The following ATRIP variants were observed in gnomAD, a reference collection of about 807,000 sequenced individuals.
ATRIP encodes ATR-interacting protein.
In ATRIP, 44 loss-of-function variants were observed where a neutral mutation model predicts 78.1. That is an observed-to-expected ratio of 0.56 (90% CI 0.44 to 0.72). The LOEUF is 0.72. ATRIP is among the 30% of genes least tolerant of loss of function. ATRIP has a pLI of 0.00. For synonymous variants in ATRIP, 388 were observed against 408.9 expected (o/e 0.95, Z 0.62); for missense variants, 927 against 980.2 (o/e 0.95, Z 0.72).
At chr3:48,459,330 G>A in intron 5 of ATRIP, 29 bp from the exon 6 acceptor site, 1 of 1,592,874 alleles carries the variant, frequency 6.3e-7, no homozygotes, top group Non-Finnish European at 8.6e-7. Flanking sequence ...CTGGGCTCAA[G>A]TTTTGATTTA....
intron 8 of ATRIP, among the ~76,000 whole-genome samples, chr3:48,462,337 C>T (rs1439359041): frequency 6.6e-6 from 1 of 152,010 alleles, no homozygotes; most frequent in African/African-American, 2.4e-5. Context: ...TCCACAGGGA[C>T]ATTCAAAACA....
intron 6 of ATRIP, 112 bp from the exon 7 acceptor site, chr3:48,459,675 G>A (rs532764327): frequency 3.5e-6 from 5 of 1,437,024 alleles, no homozygotes; most frequent in Non-Finnish European, 4.7e-6. Context: ...CTGGGGCTTA[G>A]TGGCAGCCTA....
Position 48,464,956 on chromosome 3 carries a change from G to A in ATRIP, c.2181G>A (p.Leu727=). 3 of 1,614,172 alleles carry A rather than the reference G, an allele frequency of 1.9e-6. No homozygotes were observed. Among genetic ancestry groups the A allele is most frequent in the Non-Finnish European group, 1.7e-6 (2 of 1,180,010 alleles). Reference sequence around the variant, plus strand: ...GTCTGCGGGACACGGTGCTGCTGCTGCACGGCCTATCGCAGAAGGACAAGC... The same window carrying A: ...GTCTGCGGGACACGGTGCTGCTGCTACACGGCCTATCGCAGAAGGACAAGC... The part of the protein sequence containing the change: ...VRCLRDTVLL[L]HGLSQKDKLF... The change falls in exon 12 of 13, where the codon CTG becomes CTA. Residue 727 remains leucine (L), a synonymous_variant. Coordinates refer to ENST00000320211, the MANE Select transcript of ATRIP (RefSeq NM_130384.3).
chr3:48,460,324 C>T lies in ATRIP; in HGVS notation c.1270C>T (p.Gln424Ter). 6.2e-7 allele frequency: 1 copy of T among 1,613,732 alleles called. No individual in the cohort carries two copies. Among genetic ancestry groups the T allele is most frequent in the Non-Finnish European group, 8.5e-7 (1 of 1,179,802 alleles). ...AGCCGTGCATTTCCTCCCCCTTGTA[C>T]AGTTCTTCATCGGCTTACACTGCCA... ...PGAVHFLPLV[Q>*]FFIGLHCQAL... is the part of the protein sequence containing the mutation. The change falls in exon 8 of 13, where the codon CAG (glutamine) becomes TAG (stop). Residue 424 changes from glutamine to a stop codon, truncating the protein, a stop_gained. Coordinates refer to ENST00000320211, the MANE Select transcript of ATRIP (RefSeq NM_130384.3). LOFTEE classifies it high-confidence loss of function.
At position 48,465,103 on chromosome 3, in the gene ATRIP, T is replaced by C; in HGVS notation, c.2308+20T>C. ...GTGAAGGTAAGCCTGCCAGAGGCCA[T>C]CCTGCCCAGCCCCCATGGCTTCTTC... On this transcript the variant is annotated intron_variant, in intron 12 of 12. Transcript: ENST00000320211. 6.3e-7 allele frequency: 1 copy of C among 1,596,098 alleles called. No homozygotes were observed. The highest frequency in any genetic ancestry group is 8.6e-7 in the Non-Finnish European group (1 of 1,167,286).
Position 48,451,889 on chromosome 3 carries a change from TCTC to T in ATRIP, c.544_546del (p.Ser182del). 1 of 1,603,536 alleles carries T rather than the reference TCTC, an allele frequency of 6.2e-7. No homozygotes were observed. The highest frequency in any genetic ancestry group is 1.7e-5 in the Admixed American group (1 of 58,384). ...GCACTCAGTGACAAGGAAAAGGAAT[TCTC>T]CAAAAAGGTGACCCAGAGCATTTGT... On this transcript the variant is annotated inframe_deletion, in exon 3 of 13. Coordinates refer to ENST00000320211, the MANE Select transcript of ATRIP (RefSeq NM_130384.3).
intron 3 of ATRIP, among the ~76,000 whole-genome samples, chr3:48,452,780 C>G (rs559367558): frequency 6.6e-6 from 1 of 152,220 alleles, no homozygotes; most frequent in African/African-American, 2.4e-5. Context: ...TTGTCTGTCC[C>G]TGGCCAATTG....
chr3:48,447,647 A>G (rs1272015700), intron 1 of ATRIP: 2 of 636,674 alleles, frequency 3.1e-6, no homozygotes, highest in Non-Finnish European at 3.9e-6. Flanking sequence ...TGGAGCTTAC[A>G]TTCTAGTTGA....
chr3:48,460,427 C>T lies in ATRIP; in HGVS notation c.1373C>T (p.Ser458Phe). Reference sequence around the variant, plus strand: ...CCGACACATTCCTCCTGCGTGAGCTCTGGGGTAGAGACCAACCCTGAGGAC... The same window carrying T: ...CCGACACATTCCTCCTGCGTGAGCTTTGGGGTAGAGACCAACCCTGAGGAC... ...DSPTHSSCVS[S>F]GVETNPEDSV... is the part of the protein sequence containing the mutation. Residue 458 changes from serine (S) to phenylalanine (F), a missense_variant, in exon 8 of 13, where the codon TCT becomes TTT. Physicochemically the swap from Ser to Phe is radical, Grantham distance 155 (BLOSUM62 -2). Transcript: ENST00000320211. 6.2e-7 allele frequency: 1 copy of T among 1,612,856 alleles called. No homozygotes were observed. The highest frequency in any genetic ancestry group is 8.5e-7 in the Non-Finnish European group (1 of 1,179,366).
chr3:48,448,629 T>C (rs1363180453), intron 1 of ATRIP, among the ~76,000 whole-genome samples: 7 of 152,266 alleles, frequency 4.6e-5, no homozygotes, highest in Non-Finnish European at 1.5e-5. Flanking sequence ...TTGAATTCTC[T>C]CTGCTTCTTT....
Position 48,466,809 on chromosome 3 carries a change from G to T in ATRIP, c.*1255G>T, listed in dbSNP as rs1328154001. 3 of 1,613,806 alleles carry T rather than the reference G, an allele frequency of 1.9e-6. No homozygotes were observed. On this transcript the variant is annotated 3_prime_UTR_variant, in exon 13 of 13. Transcript: ENST00000320211. ...CCTGGAGAGCCCCCCCACCTCTCAG[G>T]GGCCACCTCCCACAGTTCCTCCACC...
At chr3:48,449,788 A>G in intron 1 of ATRIP, among the ~76,000 whole-genome samples, 1 of 151,086 alleles carries the variant, frequency 6.6e-6, no homozygotes, top group East Asian at 1.9e-4. Flanking sequence ...AAAAAAAAAA[A>G]AAAGCCAGGC....
At chr3:48,456,885 G>T (rs1168550184) in intron 4 of ATRIP, among the ~76,000 whole-genome samples, 1 of 152,068 alleles carries the variant, frequency 6.6e-6, no homozygotes. Flanking sequence ...ATGAGTAAAA[G>T]AATTTTCAAT....
rs371871471 is a variant in ATRIP, at chr3:48,463,806, G to T, written c.1807G>T (p.Val603Leu). ...CLSPETPLPS[V>L]LLAVELLSLL... is the part of the protein sequence containing the mutation. ...CAGCCCAGAGACACCCCTGCCTAGC[G>T]TGCTGCTGGCTGTTGAGCTCCTCTC... The change falls in exon 9 of 13, where the codon GTG becomes TTG. Residue 603 changes from valine to leucine, a missense_variant. Transcript: ENST00000320211. 2 of 1,614,140 alleles carry T rather than the reference G, an allele frequency of 1.2e-6. No individual in the cohort carries two copies. Among genetic ancestry groups the T allele is most frequent in the Non-Finnish European group, 1.7e-6 (2 of 1,180,022 alleles).
At position 48,454,317 on chromosome 3, in the gene ATRIP, T is replaced by G. The variant is rs548233462; in HGVS notation, c.570T>G (p.Ser190=). 1 of 1,612,172 alleles carries G rather than the reference T, an allele frequency of 6.2e-7. No homozygotes were observed. The highest frequency in any genetic ancestry group is 1.3e-5 in the African/African-American group (1 of 75,010). ...EFSKKLQSLQ[S]ELQFKDAEMN... The stretch of plus-strand genomic sequence containing the variant: ...CCTTCCAGCTCCAATCATTGCAGTC[T>G]GAACTCCAGTTTAAAGATGCAGAGA... Residue 190 remains serine (S), a synonymous_variant, in exon 4 of 13, where the codon TCT becomes TCG. Transcript: ENST00000320211.
intron 3 of ATRIP, among the ~76,000 whole-genome samples, chr3:48,453,885 C>A (rs552673886): frequency 1.2e-4 from 18 of 152,268 alleles, no homozygotes; most frequent in African/African-American, 4.1e-4. Flanking sequence ...GATTCAAAGA[C>A]ATTAAATAAA....
At chr3:48,455,736 G>T (rs1442856691) in intron 4 of ATRIP, among the ~76,000 whole-genome samples, 1 of 151,816 alleles carries the variant, frequency 6.6e-6, no homozygotes, top group Non-Finnish European at 1.5e-5. Flanking sequence ...GACTTCAGGT[G>T]ATCCACCCAC....
chr3:48,461,405 C>G (rs965758457), intron 8 of ATRIP: 1 of 152,368 alleles, frequency 6.6e-6, no homozygotes, highest in Non-Finnish European at 1.5e-5. Flanking sequence ...AGCCCACCCC[C>G]TCATCCAGTA....
At chr3:48,450,242 A>G (rs2107193246) in intron 2 of ATRIP, 72 bp downstream of exon 2, 1 of 1,516,770 alleles carries the variant, frequency 6.6e-7, no homozygotes, top group Non-Finnish European at 8.9e-7. Context: ...GTACAGTAAA[A>G]TATACAAAAG....
Sources: gnomAD v4.1 joint callset for allele counts (sites outside exome capture counted in the v4.1 genomes callset) on GRCh38, gnomAD v4.1.1 for gene constraint, MANE v1.5 for transcripts, NCBI Gene and HGNC (gene_info 2026-07-23, HGNC 2026-07-21) for gene names.